The following LANCL2 variants were observed in gnomAD, a reference collection of about 807,000 sequenced individuals.
LANCL2 encodes the protein lanC-like protein 2.
A neutral mutation model predicts 56.9 loss-of-function variants in LANCL2; 33 were observed. The ratio of observed to expected loss-of-function variants is 0.58; its 90% CI spans 0.44 to 0.78. The LOEUF (loss-of-function observed/expected upper bound fraction) is 0.78, where lower values mean the gene tolerates loss of function less well. Among genes scored for constraint, LANCL2 ranks in the 30% least tolerant of loss-of-function variants. The probability of loss-of-function intolerance (pLI) is 0.00; values close to 1 mark genes in which losing one functional copy is unlikely to be tolerated. For synonymous variants in LANCL2, 233 were observed against 228.2 expected (o/e 1.02, Z -0.19); for missense variants, 562 against 580.2 (o/e 0.97, Z 0.32).
intron 1 of LANCL2, among the ~76,000 whole-genome samples, chr7:55,383,845 T>TAC (rs1393168215): frequency 6.6e-6 from 1 of 151,988 alleles, no homozygotes; most frequent in Non-Finnish European, 1.5e-5. Flanking sequence ...TCTCTCTATA[T>TAC]ATATATGTGT....
At chr7:55,366,399 G>C (rs956230412) in intron 1 of LANCL2, among the ~76,000 whole-genome samples, 170 bp downstream of exon 1, 6 of 152,352 alleles carry the variant, frequency 3.9e-5, no homozygotes, top group African/African-American at 9.6e-5. Flanking sequence ...CTTAGGGTCC[G>C]TGGGCTTCAG....
At chr7:55,420,203 A>G (rs1275165516) in intron 6 of LANCL2, among the ~76,000 whole-genome samples, 1 of 152,160 alleles carries the variant, frequency 6.6e-6, no homozygotes, top group East Asian at 1.9e-4. Context: ...TTAAAGCTTT[A>G]CATTTTCCTC....
chr7:55,379,143 A>G (rs1040914774), intron 1 of LANCL2, among the ~76,000 whole-genome samples: 1 of 143,102 alleles, frequency 7.0e-6, no homozygotes, highest in African/African-American at 2.7e-5. Context: ...GAGCGAGACT[A>G]CGTCTCAAAA....
intron 5 of LANCL2, among the ~76,000 whole-genome samples, chr7:55,405,417 T>C (rs1004877654): frequency 6.6e-6 from 1 of 152,098 alleles, no homozygotes; most frequent in African/African-American, 2.4e-5. Context: ...CATGTTTAAT[T>C]TGACACATAA....
chr7:55,372,434 A>T (rs1006703053), intron 1 of LANCL2, among the ~76,000 whole-genome samples: 2 of 139,460 alleles, frequency 1.4e-5, no homozygotes, highest in African/African-American at 5.0e-5. Context: ...GTAAATGGTT[A>T]AATTGAAAGG....
In LANCL2 at chr7:55,433,545, C is replaced by G. The variant is rs535930544; in HGVS notation, c.*2225C>G. 6.6e-6 allele frequency: 1 copy of G among 152,314 alleles called. No homozygotes were observed. The highest frequency in any genetic ancestry group is 2.1e-4 in the South Asian group (1 of 4,828). 9.4% of individuals were successfully genotyped at this position (152,314 alleles called of 1,614,324 possible). On this transcript the variant is annotated 3_prime_UTR_variant, in exon 9 of 9. Coordinates refer to ENST00000254770, the MANE Select transcript of LANCL2 (RefSeq NM_018697.4). Reference sequence around the variant, plus strand: ...GTCAGTTTAAGATAAGTGTTTGAATCAGATTTCAGTACATCTCATTCATTT... The same window carrying G: ...GTCAGTTTAAGATAAGTGTTTGAATGAGATTTCAGTACATCTCATTCATTT...
At chr7:55,371,110 C>T (rs1789938998) in intron 1 of LANCL2, among the ~76,000 whole-genome samples, 1 of 152,178 alleles carries the variant, frequency 6.6e-6, no homozygotes, top group Non-Finnish European at 1.5e-5. Flanking sequence ...CATGTTGTGC[C>T]TTAGAGCTCT....
intron 1 of LANCL2, among the ~76,000 whole-genome samples, chr7:55,371,787 T>G (rs1789946338): frequency 6.6e-6 from 1 of 152,212 alleles, no homozygotes; most frequent in Non-Finnish European, 1.5e-5. Context: ...TTTCCATATT[T>G]TTGTTTTGAA....
At chr7:55,399,850 A>C in intron 3 of LANCL2, 107 bp from the exon 4 acceptor site, 1 of 874,090 alleles carries the variant, frequency 1.1e-6, no homozygotes, top group Non-Finnish European at 1.7e-6. Flanking sequence ...TAATTGTTTT[A>C]AATGTAAAAT....
Position 55,391,777 on chromosome 7 carries a change from T to G in LANCL2, c.205-16T>G. 7.3e-7 allele frequency: 1 copy of G among 1,364,820 alleles called. No homozygotes were observed. Among genetic ancestry groups the G allele is most frequent in the Non-Finnish European group, 1.0e-6 (1 of 954,598 alleles). The allele number at this position is 1,364,820 out of a possible 1,614,324, so 84.5% of individuals were successfully genotyped here. A position where few individuals can be genotyped will look rare whatever the true frequency, so the allele number is the denominator to read the frequency against. On this transcript the variant is annotated splice_polypyrimidine_tract_variant and intron_variant, in intron 1 of 8. Coordinates refer to ENST00000254770, the MANE Select transcript of LANCL2 (RefSeq NM_018697.4). ...ATTCTTGTGAAGTTAAAGTTATCTC[T>G]TCTTTTGGATCTCAGATCATTCATA... is the stretch of plus-strand genomic sequence containing the variant.
chr7:55,365,899 C>T lies in LANCL2; in HGVS notation c.-127C>T. The T allele has an allele frequency of 1.5e-6, 1 of 673,762 alleles. No individual in the cohort carries two copies. The highest frequency in any genetic ancestry group is 2.3e-6 in the Non-Finnish European group (1 of 438,184). 41.7% of individuals were successfully genotyped at this position (673,762 alleles called of 1,614,324 possible). A position where few individuals can be genotyped will look rare whatever the true frequency, so the allele number is the denominator to read the frequency against. ...CGCTCAGACGCCCCGCTCCTCCCGC[C>T]AGCGCGCGGCCTCGCTCCTCCTAGA... On this transcript the variant is annotated 5_prime_UTR_variant, in exon 1 of 9. Coordinates refer to ENST00000254770, the MANE Select transcript of LANCL2 (RefSeq NM_018697.4).
chr7:55,395,400 C>T (rs1469295902), intron 2 of LANCL2, among the ~76,000 whole-genome samples: 1 of 151,612 alleles, frequency 6.6e-6, no homozygotes, highest in Non-Finnish European at 1.5e-5. Flanking sequence ...GATGGCTAGA[C>T]AGTAAGAGCA....
intron 5 of LANCL2, among the ~76,000 whole-genome samples, chr7:55,405,299 G>A (rs1790392506): frequency 6.6e-6 from 1 of 152,132 alleles, no homozygotes; most frequent in African/African-American, 2.4e-5. Context: ...GGCCTTGGAG[G>A]GACTGGATGA....
Position 55,424,921 on chromosome 7 carries a change from T to G in LANCL2, c.1009-333T>G, listed in dbSNP as rs113673232. ...GCGAGGGATCTAGGTTGCGCGCTCC[T>G]TATGAGAATCTAACTAATGCCTGAT... On this transcript the variant is annotated intron_variant, in intron 6 of 8. Coordinates refer to ENST00000254770, the MANE Select transcript of LANCL2 (RefSeq NM_018697.4). 3.0e-3 allele frequency among the ~76,000 whole-genome samples: 461 copies of G among 152,340 alleles called. 2 individuals are homozygous for G. Among genetic ancestry groups the G allele is most frequent in the African/African-American group, 0.01 (427 of 41,584 alleles).
At chr7:55,376,229 C>T (rs1789998344) in intron 1 of LANCL2, among the ~76,000 whole-genome samples, 1 of 152,180 alleles carries the variant, frequency 6.6e-6, no homozygotes, top group South Asian at 2.1e-4. Context: ...TACCTCTCTC[C>T]TGTGCTTCAT....
chr7:55,411,849 A>T (rs781226984), intron 5 of LANCL2, 58 bp from the exon 6 acceptor site: 3 of 1,493,902 alleles, frequency 2.0e-6, no homozygotes, highest in Non-Finnish European at 2.8e-6. Flanking sequence ...CCATGATACA[A>T]TGTAAAAGAA....
chr7:55,402,120 G>A (rs1261580567), intron 5 of LANCL2, among the ~76,000 whole-genome samples: 6 of 142,132 alleles, frequency 4.2e-5, no homozygotes, highest in African/African-American at 1.3e-4. Context: ...AGGGGCGGCC[G>A]GGCAGAGGCG....
intron 6 of LANCL2, among the ~76,000 whole-genome samples, chr7:55,417,992 TTAA>T (rs1160628433): frequency 6.6e-6 from 1 of 152,092 alleles, no homozygotes; most frequent in Non-Finnish European, 1.5e-5. Flanking sequence ...AACTGACATC[TTAA>T]TAATGTTGAG....
chr7:55,380,710 G>A (rs192860921), intron 1 of LANCL2, among the ~76,000 whole-genome samples: 1 of 151,566 alleles, frequency 6.6e-6, no homozygotes, highest in African/African-American at 2.4e-5. Flanking sequence ...GTGCATTACA[G>A]TGTGTGATTG....
Sources: gnomAD v4.1 joint callset for allele counts (sites outside exome capture counted in the v4.1 genomes callset) on GRCh38, gnomAD v4.1.1 for gene constraint, MANE v1.5 for transcripts, NCBI Gene and HGNC (gene_info 2026-07-23, HGNC 2026-07-21) for gene names.